Variants in CLPTM1L observed in about 807,000 individuals in gnomAD.
CLPTM1L encodes the protein CLPTM1 like, also known as lipid scramblase CLPTM1L.
Under a neutral mutation model 70.9 loss-of-function variants are expected in CLPTM1L, and 38 were observed. The observed-to-expected ratio is 0.54, with a 90% CI of 0.41 to 0.70. The LOEUF (loss-of-function observed/expected upper bound fraction) is 0.70. Among genes scored for constraint, CLPTM1L ranks in the 30% least tolerant of loss-of-function variants. The probability of loss-of-function intolerance (pLI) is 0.00; values close to 1 mark genes in which losing one functional copy is unlikely to be tolerated. For synonymous variants in CLPTM1L, 339 were observed against 299.9 expected, an observed-to-expected ratio of 1.13 and a Z score of -1.35; for missense variants, 652 against 705.9, an observed-to-expected ratio of 0.92 and a Z score of 0.87.
intron 7 of CLPTM1L, among the ~76,000 whole-genome samples, chr5:1,333,003 G>T (rs1265252927): frequency 6.7e-6 from 1 of 148,630 alleles, no homozygotes; most frequent in African/African-American, 2.5e-5. Flanking sequence ...TGAGGATAAG[G>T]GGGGAATACT....
chr5:1,320,445 TG>T (rs1752083697), intron 16 of CLPTM1L, 170 bp downstream of exon 16: 2 of 488,944 alleles, frequency 4.1e-6, no homozygotes, highest in East Asian at 6.9e-5. Context: ...GGACATATCA[TG>T]GGCAACTGGA....
intron 8 of CLPTM1L, chr5:1,331,515 C>T: frequency 3.7e-6 from 2 of 535,714 alleles, no homozygotes; most frequent in Non-Finnish European, 6.7e-6. Context: ...ATCTCACTCT[C>T]CACAGCCCAG....
At chr5:1,323,145 C>T (rs889839539) in intron 12 of CLPTM1L, among the ~76,000 whole-genome samples, 1 of 152,006 alleles carries the variant, frequency 6.6e-6, no homozygotes, top group African/African-American at 2.4e-5. Flanking sequence ...CAGCTCAGGG[C>T]CAGCACCCCA....
chr5:1,338,797 G>A, intron 4 of CLPTM1L, 63 bp downstream of exon 4: 1 of 1,600,280 alleles, frequency 6.2e-7, no homozygotes, highest in Non-Finnish European at 8.5e-7. Context: ...CTGCTGGCGA[G>A]TTCTGGCCAG....
chr5:1,322,353 G>A (rs381949), intron 13 of CLPTM1L, among the ~76,000 whole-genome samples: 65,069 of 152,116 alleles, frequency 0.43, 14,664 homozygotes, highest in African/African-American at 0.55. Context: ...GGGGCAGGCG[G>A]GCCTCCCAGG....
chr5:1,328,678 CAT>C (rs1561237075), intron 9 of CLPTM1L, among the ~76,000 whole-genome samples: 5 of 151,032 alleles, frequency 3.3e-5, no homozygotes, highest in Admixed American at 6.6e-5. Context: ...TCTACAGACA[CAT>C]TTCATCCAGC....
At chr5:1,320,400 C>T (rs1486802149) in intron 16 of CLPTM1L, 1 of 449,992 alleles carries the variant, frequency 2.2e-6, no homozygotes, top group Non-Finnish European at 3.9e-6. Flanking sequence ...TTCTAAAGCA[C>T]AGTGAGGAGA....
chr5:1,339,136 G>GC (rs1325497512), intron 3 of CLPTM1L, 131 bp from the exon 4 acceptor site: 5 of 1,098,924 alleles, frequency 4.5e-6, no homozygotes, highest in Non-Finnish European at 6.5e-6. Flanking sequence ...AGCAGGGTCA[G>GC]CCCCCTAACC....
chr5:1,343,155 C>A (rs1410213700), intron 2 of CLPTM1L, among the ~76,000 whole-genome samples: 2 of 151,650 alleles, frequency 1.3e-5, no homozygotes, highest in Non-Finnish European at 2.9e-5. Flanking sequence ...CACGCCACTG[C>A]ACTCCAGCCT....
chr5:1,333,696 G>A (rs1192526086), intron 7 of CLPTM1L, among the ~76,000 whole-genome samples: 640 of 59,412 alleles, frequency 0.011, 12 homozygotes, highest in Non-Finnish European at 0.014. Flanking sequence ...TAGACACACC[G>A]CAAGAGGATA....
chr5:1,326,621 T>C (rs1388654566), intron 9 of CLPTM1L, among the ~76,000 whole-genome samples: 9 of 148,490 alleles, frequency 6.1e-5, no homozygotes, highest in African/African-American at 1.7e-4. Flanking sequence ...CAGACACATT[T>C]CATCCAGCTC....
chr5:1,321,236 G>A (rs745866907), intron 15 of CLPTM1L, among the ~76,000 whole-genome samples: 1 of 152,266 alleles, frequency 6.6e-6, no homozygotes, highest in Admixed American at 6.5e-5. Flanking sequence ...GGAGCCAAGG[G>A]GGCCTCCACA....
At chr5:1,325,187 G>T (rs115589904) in intron 10 of CLPTM1L, 1 of 312,188 alleles carries the variant, frequency 3.2e-6, no homozygotes, top group East Asian at 6.4e-5. Context: ...CAGTGGCTGC[G>T]CTGCGTGTGC....
intron 6 of CLPTM1L, 101 bp downstream of exon 6, chr5:1,334,956 C>T: frequency 1.3e-6 from 1 of 764,692 alleles, no homozygotes; most frequent in Non-Finnish European, 2.2e-6. Context: ...GGATCTGCAG[C>T]AGGAGGCGAG....
Position 1,318,310 on chromosome 5 carries a change from TC to T in CLPTM1L, c.*58del, listed in dbSNP as rs1246377264. On this transcript the variant is annotated 3_prime_UTR_variant, in exon 17 of 17. Transcript: ENST00000320895. The surrounding 1 kb of genome is among the most constrained non-coding windows in gnomAD (Gnocchi z 8.9). ...ATGTCTAGGAATTCCTCCAAATGCT[TC>T]CAAAAATACTCATTGACAATTCAAG... 4 of 1,368,582 alleles carry T rather than the reference TC, an allele frequency of 2.9e-6. No individual in the cohort carries two copies. The Admixed American group carries it at 5.2e-5, about 18-fold the overall frequency. 84.8% of individuals were successfully genotyped at this position (1,368,582 alleles called of 1,614,324 possible). A position where few individuals can be genotyped will look rare whatever the true frequency, so the allele number is the denominator to read the frequency against.
At chr5:1,330,778 C>T (rs148390806) in intron 8 of CLPTM1L, 125 of 180,634 alleles carry the variant, frequency 6.9e-4, no homozygotes, top group African/African-American at 2.9e-3. Context: ...CCTTAAGAAC[C>T]ACTCCAGCTT....
chr5:1,333,197 TAAG>T lies in CLPTM1L; in HGVS notation c.891+1089_891+1091del, dbSNP rs1753251282. Among the ~76,000 whole-genome samples, 5 of 32,102 alleles carry T rather than the reference TAAG, an allele frequency of 1.6e-4. 1 individual carries two copies. Among genetic ancestry groups the T allele is most frequent in the African/African-American group, 5.2e-4 (2 of 3,838 alleles). 21.1% of individuals were successfully genotyped at this position (32,102 alleles called of 152,430 possible). ...CTACTGTATACACACCGGATGAGGA[TAAG>T]GGGGGACTACTGTAGACACACCGGA... On this transcript the variant is annotated intron_variant, in intron 7 of 16. Coordinates refer to ENST00000320895, the MANE Select transcript of CLPTM1L (RefSeq NM_030782.5).
chr5:1,325,506 G>T (rs543059489), intron 10 of CLPTM1L: 33 of 534,416 alleles, frequency 6.2e-5, no homozygotes, highest in African/African-American at 5.3e-4. Context: ...CCTCCCAGAG[G>T]CCGGCTCAGG....
At chr5:1,344,254 C>T (rs929054722) in intron 2 of CLPTM1L, 97 bp downstream of exon 2, 1 of 852,452 alleles carries the variant, frequency 1.2e-6, no homozygotes, top group Non-Finnish European at 2.0e-6. Context: ...GACTAGTTCT[C>T]TAAAATAAAC....
Sources: allele counts gnomAD v4.1 joint callset (sites outside exome capture counted in the v4.1 genomes callset), GRCh38; gene constraint gnomAD v4.1.1; non-coding constraint Gnocchi (gnomAD v3.1); transcripts MANE v1.5; gene names NCBI Gene and HGNC (gene_info 2026-07-23, HGNC 2026-07-21).